Variants in P2RX3 observed in about 807,000 individuals in gnomAD.
P2RX3 encodes P2X purinoceptor 3.
Under a neutral mutation model 51.5 loss-of-function variants are expected in P2RX3, and 41 were observed. The observed-to-expected ratio is 0.80, with a 90% CI of 0.62 to 1.03. The LOEUF (loss-of-function observed/expected upper bound fraction) is 1.03, where lower values mean the gene tolerates loss of function less well. Ranked by LOEUF, P2RX3 falls within the 50% of genes least tolerant of loss-of-function variation. P2RX3 has a pLI of 0.00. For missense variants in P2RX3, 459 were observed against 522.1 expected, an observed-to-expected ratio of 0.88 and a Z score of 1.18; for synonymous variants, 185 against 191.6, an observed-to-expected ratio of 0.97 and a Z score of 0.29.
chr11:57,369,911 G>A lies in P2RX3; in HGVS notation c.1108G>A (p.Ala370Thr). Residue 370 changes from alanine (A) to threonine (T), a missense_variant, in exon 12 of 12, where the codon GCT (alanine) becomes ACT (threonine). Ala to Thr is a moderately conservative substitution (Grantham distance 58, BLOSUM62 0). Transcript: ENST00000263314. Reference sequence around the variant, plus strand: ...GAATGAGACTACGCTGAAAATCGCGGCTTTGACCAACCCAGTGTACCCCAG... The same window carrying A: ...GAATGAGACTACGCTGAAAATCGCGACTTTGACCAACCCAGTGTACCCCAG... ...EVNETTLKIA[A>T]LTNPVYPSDQ... 6.2e-7 allele frequency: 1 copy of A among 1,614,020 alleles called. No homozygotes were observed. The highest frequency in any genetic ancestry group is 8.5e-7 in the Non-Finnish European group (1 of 1,179,958).
chr11:57,365,504 A>G (rs1417968991), intron 8 of P2RX3, among the ~76,000 whole-genome samples: 1 of 152,210 alleles, frequency 6.6e-6, no homozygotes, highest in Admixed American at 6.5e-5. Flanking sequence ...CGGTCTTTGC[A>G]GATCAGGCTC....
intron 8 of P2RX3, among the ~76,000 whole-genome samples, chr11:57,359,076 C>T (rs1205141807): frequency 6.6e-6 from 1 of 152,104 alleles, no homozygotes; most frequent in East Asian, 1.9e-4. Context: ...GCATGGGAGT[C>T]GAGGCACACA....
At chr11:57,343,722 C>G (rs1290033868) in intron 1 of P2RX3, among the ~76,000 whole-genome samples, 3 of 152,194 alleles carry the variant, frequency 2.0e-5, no homozygotes, top group Non-Finnish European at 4.4e-5. Context: ...CTTAGGTCGA[C>G]ACTGAGAAAT....
chr11:57,354,891 G>T (rs1376295238), intron 8 of P2RX3, among the ~76,000 whole-genome samples: 1 of 152,216 alleles, frequency 6.6e-6, no homozygotes, highest in Non-Finnish European at 1.5e-5. Flanking sequence ...TGTGGGCAGG[G>T]TGTACGGAAA....
chr11:57,349,189 G>A (rs562030152), intron 6 of P2RX3, among the ~76,000 whole-genome samples: 11 of 152,036 alleles, frequency 7.2e-5, no homozygotes, highest in African/African-American at 1.2e-4. Context: ...TAGGCCAGGC[G>A]CAGTGACAAA....
chr11:57,341,800 T>C (rs1351474951), intron 1 of P2RX3, among the ~76,000 whole-genome samples: 1 of 151,930 alleles, frequency 6.6e-6, no homozygotes, highest in African/African-American at 2.4e-5. Flanking sequence ...TGCTGAAGGG[T>C]CACTGGTGGC....
chr11:57,350,783 A>G lies in P2RX3; in HGVS notation c.727A>G (p.Ile243Val), dbSNP rs1856532901. The change falls in exon 8 of 12, where the codon ATC (isoleucine) becomes GTC (valine). Residue 243 changes from isoleucine to valine, a missense_variant. Ile to Val is a conservative substitution (Grantham distance 29). Coordinates refer to ENST00000263314, the MANE Select transcript of P2RX3 (RefSeq NM_002559.5). ...TCAGGGGGGAGTTCTGGGCATTAAG[A>G]TCGGCTGGGTGTGCGACTTGGACAA... ...ARTGGVLGIK[I>V]GWVCDLDKAW... The G allele has an allele frequency of 1.9e-6, 3 of 1,613,548 alleles. No homozygotes were observed. The highest frequency in any genetic ancestry group is 3.3e-5 in the Admixed American group (2 of 59,908).
In P2RX3 at chr11:57,369,989, G is replaced by T. The variant is rs1350612222; in HGVS notation, c.1186G>T (p.Gly396Cys). ...QSTDSGAFSI[G>C]H is the part of the protein sequence containing the mutation. ...CACCGATTCGGGGGCCTTCTCCATA[G>T]GCCACTAGGGCCTCTTTCCAGGGCC... The change falls in exon 12 of 12, where the codon GGC (glycine) becomes TGC (cysteine). Residue 396 changes from glycine (G) to cysteine (C), a missense_variant. Gly to Cys is a radical substitution (Grantham distance 159). Coordinates refer to ENST00000263314, the MANE Select transcript of P2RX3 (RefSeq NM_002559.5). 1 of 1,609,258 alleles carries T rather than the reference G, an allele frequency of 6.2e-7. No individual in the cohort carries two copies. Among genetic ancestry groups the T allele is most frequent in the South Asian group, 1.1e-5 (1 of 90,838 alleles).
At chr11:57,342,740 G>A (rs1276824832) in intron 1 of P2RX3, among the ~76,000 whole-genome samples, 1 of 152,034 alleles carries the variant, frequency 6.6e-6, no homozygotes, top group Non-Finnish European at 1.5e-5. Context: ...GATGGCAACT[G>A]CGACTACTTC....
At chr11:57,355,632 C>T (rs149726072) in intron 8 of P2RX3, among the ~76,000 whole-genome samples, 3 of 152,326 alleles carry the variant, frequency 2.0e-5, no homozygotes, top group East Asian at 1.9e-4. Context: ...TGAGCTACCA[C>T]GCCTAGCCAG....
chr11:57,368,504 A>C (rs1856831839), intron 10 of P2RX3, 67 bp downstream of exon 10: 1 of 1,570,514 alleles, frequency 6.4e-7, no homozygotes, highest in East Asian at 2.2e-5. Context: ...ACCAGCAGGC[A>C]GGGGAGTGAC....
rs369419446 is a variant in P2RX3 at position 57,347,463 on chromosome 11, C to T, written c.376C>T (p.Arg126Cys). The T allele has an allele frequency of 3.7e-5, 58 of 1,557,416 alleles. No homozygotes were observed. Among genetic ancestry groups the T allele is most frequent in the African/African-American group, 3.7e-4 (27 of 73,326 alleles). Residue 126 changes from arginine to cysteine, a missense_variant, in exon 4 of 12, where the codon CGC (arginine) becomes TGC (cysteine). Physicochemically the swap from Arg to Cys is radical, Grantham distance 180. Coordinates refer to ENST00000263314, the MANE Select transcript of P2RX3 (RefSeq NM_002559.5). Reference sequence around the variant, plus strand: ...ATCAGACAGCCAGTGCGGGCCTGAGCGCTTGCCAGGTGGGGGTGAGTCCAG... The same window carrying T: ...ATCAGACAGCCAGTGCGGGCCTGAGTGCTTGCCAGGTGGGGGTGAGTCCAG... ...CVSDSQCGPE[R>C]LPGGGILTGR... is the part of the protein sequence containing the mutation.
chr11:57,346,297 AG>A (rs987924190), intron 1 of P2RX3, among the ~76,000 whole-genome samples: 6 of 152,162 alleles, frequency 3.9e-5, no homozygotes, highest in Non-Finnish European at 5.9e-5. Flanking sequence ...AGTTTCATGG[AG>A]GGGGGGACCA....
At chr11:57,343,844 G>C (rs1856385301) in intron 1 of P2RX3, among the ~76,000 whole-genome samples, 1 of 152,196 alleles carries the variant, frequency 6.6e-6, no homozygotes, top group South Asian at 2.1e-4. Context: ...TGGAAGCAGA[G>C]AGCCTAGGCC....
chr11:57,354,993 A>G (rs1307703378), intron 8 of P2RX3, among the ~76,000 whole-genome samples: 1 of 152,216 alleles, frequency 6.6e-6, no homozygotes, highest in Non-Finnish European at 1.5e-5. Flanking sequence ...TGACAGGAAC[A>G]TGGAGACGGA....
At chr11:57,368,569 G>T in intron 10 of P2RX3, 132 bp downstream of exon 10, 1 of 986,908 alleles carries the variant, frequency 1.0e-6, no homozygotes, top group Non-Finnish European at 1.5e-6. Flanking sequence ...CCACTTGCTA[G>T]GTGCTTCAGT....
Position 57,350,797 on chromosome 11 carries a change from C to T in P2RX3, c.741C>T (p.Cys247=), listed in dbSNP as rs1856533729. ...GVLGIKIGWV[C]DLDKAWDQCI... The stretch of plus-strand genomic sequence containing the variant: ...TGGGCATTAAGATCGGCTGGGTGTG[C>T]GACTTGGACAAGGCCTGGGACCAGT... The change falls in exon 8 of 12, where the codon TGC becomes TGT. Residue 247 remains cysteine (C), a synonymous_variant. Transcript: ENST00000263314. 6.2e-7 allele frequency: 1 copy of T among 1,613,692 alleles called. No individual in the cohort carries two copies. Among genetic ancestry groups the T allele is most frequent in the African/African-American group, 1.3e-5 (1 of 74,802 alleles).
At chr11:57,339,198 C>T (rs1856294133) in intron 1 of P2RX3, among the ~76,000 whole-genome samples, 1 of 152,104 alleles carries the variant, frequency 6.6e-6, no homozygotes. Context: ...GAATTTCCTT[C>T]TGGCATGGAT....
Position 57,349,911 on chromosome 11 carries a change from C to T in P2RX3, c.705+13C>T, listed in dbSNP as rs2276042. ...ACTGGCGCGCACGGTGAGGACCTAG[C>T]CATTCTTCCGCGACCCCAAACTCCC... On this transcript the variant is annotated intron_variant, in intron 7 of 11. Transcript: ENST00000263314. 635,992 of 1,613,474 alleles carry T rather than the reference C, an allele frequency of 0.39. 133,143 individuals are homozygous for T. Among genetic ancestry groups the T allele is most frequent in the East Asian group, 0.64 (28,593 of 44,832 alleles).
Sources: allele counts gnomAD v4.1 joint callset (sites outside exome capture counted in the v4.1 genomes callset), GRCh38; gene constraint gnomAD v4.1.1; transcripts MANE v1.5; gene names NCBI Gene and HGNC (gene_info 2026-07-23, HGNC 2026-07-21).